The following CFAP77 variants were observed in gnomAD, a reference collection of about 807,000 sequenced individuals.
CFAP77 encodes the protein cilia- and flagella-associated protein 77.
In CFAP77, 25 loss-of-function variants were observed where a neutral mutation model predicts 31.1. The observed-to-expected ratio is 0.80, with a 90% CI of 0.59 to 1.12. CFAP77 has a LOEUF of 1.12. CFAP77 is among the 50% of genes most tolerant of loss of function. CFAP77 has a pLI of 0.00. For missense variants in CFAP77, 377 were observed against 397.3 expected, an observed-to-expected ratio of 0.95 and a Z score of 0.44; for synonymous variants, 151 against 159.9, an observed-to-expected ratio of 0.94 and a Z score of 0.42.
chr9:132,502,414 G>T (rs953488900), intron 3 of CFAP77, among the ~76,000 whole-genome samples: 3 of 151,912 alleles, frequency 2.0e-5, no homozygotes, highest in African/African-American at 4.8e-5. Context: ...TCACGTCGTT[G>T]TGTGACCGTC....
intron 1 of CFAP77, among the ~76,000 whole-genome samples, chr9:132,429,138 C>T (rs915756113): frequency 2.0e-5 from 3 of 151,726 alleles, no homozygotes; most frequent in South Asian, 4.2e-4. Context: ...TGTTTTTTCT[C>T]GGACTGCTAG....
chr9:132,410,560 C>A, intron 1 of CFAP77, 94 bp downstream of exon 1: 1 of 1,140,162 alleles, frequency 8.8e-7, no homozygotes, highest in South Asian at 1.7e-5. Context: ...GGCCCCGCGG[C>A]CCGGGGTCCG....
At chr9:132,553,575 TC>T (rs1795963121) in intron 5 of CFAP77, among the ~76,000 whole-genome samples, 1 of 152,220 alleles carries the variant, frequency 6.6e-6, no homozygotes. Flanking sequence ...TGCTTCTTGA[TC>T]CCCATGGAAT....
rs571136796 is a variant in CFAP77, at chr9:132,552,695, CAAA to C, written c.732+9663_732+9665del. On this transcript the variant is annotated intron_variant, in intron 5 of 5. Coordinates refer to ENST00000393216, the MANE Select transcript of CFAP77 (RefSeq NM_001282957.2). The surrounding 1 kb of genome is among the most constrained non-coding windows in gnomAD (Gnocchi z 5.5). ...CAGGTGACAGGGTGAGACTCCATCT[CAAA>C]AAAAAAAAAAAAAAGCAGAGTCCAG... 0.016 allele frequency among the ~76,000 whole-genome samples: 1,440 copies of C among 89,968 alleles called. 19 individuals are homozygous for C. The highest frequency in any genetic ancestry group is 0.049 in the African/African-American group (1,307 of 26,792). 59.0% of individuals were successfully genotyped at this position (89,968 alleles called of 152,430 possible).
chr9:132,427,072 T>A (rs1850330063), intron 1 of CFAP77, among the ~76,000 whole-genome samples: 1 of 152,228 alleles, frequency 6.6e-6, no homozygotes, highest in Non-Finnish European at 1.5e-5. Flanking sequence ...TTTATCCATA[T>A]AAGAAGCCTG....
At chr9:132,559,625 C>A (rs1027127696) in intron 5 of CFAP77, among the ~76,000 whole-genome samples, 6 of 152,286 alleles carry the variant, frequency 3.9e-5, no homozygotes, top group Admixed American at 1.3e-4. Context: ...TTTGGCAGTT[C>A]TCCAAAAGGC....
chr9:132,433,246 G>A (rs1282640920), intron 1 of CFAP77, among the ~76,000 whole-genome samples: 1 of 152,224 alleles, frequency 6.6e-6, no homozygotes, highest in African/African-American at 2.4e-5. Context: ...AAAGCTAAGT[G>A]CAGAGCTTGC....
At chr9:132,568,417 A>C (rs1226752497) in intron 5 of CFAP77, among the ~76,000 whole-genome samples, 2 of 151,980 alleles carry the variant, frequency 1.3e-5, no homozygotes, top group Admixed American at 6.6e-5. Flanking sequence ...TTAGCCAGGC[A>C]TGGTGGCAGG....
At chr9:132,503,987 C>G (rs1345034677) in intron 3 of CFAP77, among the ~76,000 whole-genome samples, 1 of 152,094 alleles carries the variant, frequency 6.6e-6, no homozygotes, top group Non-Finnish European at 1.5e-5. Flanking sequence ...TGCAGCGAAC[C>G]AAGATCGCAC....
chr9:132,437,870 C>A (rs921357537), intron 1 of CFAP77, among the ~76,000 whole-genome samples: 8 of 150,832 alleles, frequency 5.3e-5, no homozygotes, highest in African/African-American at 1.9e-4. Context: ...AGTAATTTCA[C>A]CATATAGCTG....
At chr9:132,508,914 C>T (rs542273711) in intron 3 of CFAP77, among the ~76,000 whole-genome samples, 36 of 152,312 alleles carry the variant, frequency 2.4e-4, no homozygotes, top group African/African-American at 8.7e-4. Flanking sequence ...CCCTCCAGGG[C>T]GGCTGTTCAT....
At chr9:132,433,895 G>A (rs1589847895) in intron 1 of CFAP77, among the ~76,000 whole-genome samples, 1 of 149,812 alleles carries the variant, frequency 6.7e-6, no homozygotes, top group South Asian at 2.1e-4. Flanking sequence ...GCTCATGCCT[G>A]TAATTACAGT....
chr9:132,417,879 T>C (rs1165551225), intron 1 of CFAP77, among the ~76,000 whole-genome samples: 6 of 22,372 alleles, frequency 2.7e-4, no homozygotes, highest in Non-Finnish European at 6.8e-4. Context: ...CCCAAGTGCT[T>C]ACATTTTCCC....
At chr9:132,468,708 CTT>C (rs1189223134) in intron 1 of CFAP77, among the ~76,000 whole-genome samples, 1 of 152,132 alleles carries the variant, frequency 6.6e-6, no homozygotes, top group Non-Finnish European at 1.5e-5. Context: ...TATGATGTCT[CTT>C]TTGCTCACTG....
At chr9:132,487,407 A>T (rs1358782345) in intron 1 of CFAP77, among the ~76,000 whole-genome samples, 1 of 152,204 alleles carries the variant, frequency 6.6e-6, no homozygotes, top group South Asian at 2.1e-4. Flanking sequence ...AGTTGCAATG[A>T]CACAGAAGAG....
At position 132,438,968 on chromosome 9, in the gene CFAP77, C is replaced by T. The variant is rs562178615; in HGVS notation, c.195+28502C>T. Among the ~76,000 whole-genome samples, 31 of 148,534 alleles carry T rather than the reference C, an allele frequency of 2.1e-4. No individual in the cohort carries two copies. The South Asian group carries it at 3.9e-3, about 19-fold the overall frequency. On this transcript the variant is annotated intron_variant, in intron 1 of 5. Coordinates refer to ENST00000393216, the MANE Select transcript of CFAP77 (RefSeq NM_001282957.2). ...TCGGCTCACTGCAACCTCTGCCTCC[C>T]GGGTTCAAGCGATTCTCCCACCTCA... is the stretch of plus-strand genomic sequence containing the variant.
At chr9:132,420,310 G>C (rs1451196803) in intron 1 of CFAP77, among the ~76,000 whole-genome samples, 1 of 151,924 alleles carries the variant, frequency 6.6e-6, no homozygotes, top group African/African-American at 2.4e-5. Flanking sequence ...ATTCCACTGG[G>C]GGAACAGGAC....
chr9:132,420,591 G>A (rs530100264), intron 1 of CFAP77, among the ~76,000 whole-genome samples: 163 of 151,716 alleles, frequency 1.1e-3, no homozygotes, highest in African/African-American at 3.8e-3. Context: ...AACCCAGGAG[G>A]TAGAGGTTGC....
chr9:132,410,565 G>C (rs1849973870), intron 1 of CFAP77, 99 bp downstream of exon 1: 4 of 1,079,244 alleles, frequency 3.7e-6, no homozygotes, highest in Non-Finnish European at 5.1e-6. Flanking sequence ...CGCGGCCCGG[G>C]GTCCGAGCGC....
Sources: allele counts gnomAD v4.1 joint callset (sites outside exome capture counted in the v4.1 genomes callset), GRCh38; gene constraint gnomAD v4.1.1; non-coding constraint Gnocchi (gnomAD v3.1); transcripts MANE v1.5; gene names NCBI Gene and HGNC (gene_info 2026-07-23, HGNC 2026-07-21).